Variants in SCFD2 observed in about 807,000 individuals in gnomAD.
The protein encoded by SCFD2 is sec1 family domain-containing protein 2.
SCFD2 carries 54 observed loss-of-function variants against 58.9 expected under a neutral mutation model. That is an observed-to-expected ratio of 0.92 (90% CI 0.74 to 1.15). The LOEUF (loss-of-function observed/expected upper bound fraction) is 1.15, where lower values mean the gene tolerates loss of function less well. SCFD2 is among the 50% of genes most tolerant of loss of function. The probability of loss-of-function intolerance (pLI) is 0.00; values close to 1 mark genes in which losing one functional copy is unlikely to be tolerated. For synonymous variants in SCFD2, 321 were observed against 335.9 expected, an observed-to-expected ratio of 0.96 and a Z score of 0.49; for missense variants, 805 against 836.6, an observed-to-expected ratio of 0.96 and a Z score of 0.47.
At chr4:53,327,352 G>T (rs764809868) in intron 2 of SCFD2, among the ~76,000 whole-genome samples, 4 of 152,218 alleles carry the variant, frequency 2.6e-5, no homozygotes, top group Non-Finnish European at 5.9e-5. Flanking sequence ...AATGGAATGA[G>T]AAGGGTGTCT....
intron 6 of SCFD2, among the ~76,000 whole-genome samples, chr4:52,912,180 G>T (rs868039355): frequency 6.6e-6 from 1 of 151,930 alleles, no homozygotes. Flanking sequence ...AACAGGTACA[G>T]ATATTAACAG....
intron 6 of SCFD2, among the ~76,000 whole-genome samples, chr4:52,911,906 A>G (rs1719495712): frequency 6.6e-6 from 1 of 152,210 alleles, no homozygotes; most frequent in Non-Finnish European, 1.5e-5. Context: ...ACCAGAAGGC[A>G]GGAAGAACAG....
intron 7 of SCFD2, among the ~76,000 whole-genome samples, chr4:52,887,724 G>C (rs558481047): frequency 6.6e-6 from 1 of 152,258 alleles, no homozygotes; most frequent in African/African-American, 2.4e-5. Context: ...AATGAAGGTA[G>C]TAAGTGTTCT....
At chr4:53,227,005 G>T (rs542890249) in intron 4 of SCFD2, among the ~76,000 whole-genome samples, 18 of 152,274 alleles carry the variant, frequency 1.2e-4, no homozygotes, top group African/African-American at 3.8e-4. Context: ...TGCTGTTGAG[G>T]ATGTCCTGGA....
intron 2 of SCFD2, among the ~76,000 whole-genome samples, chr4:53,338,676 G>A (rs1733761053): frequency 7.7e-6 from 1 of 130,178 alleles, no homozygotes; most frequent in South Asian, 2.5e-4. Context: ...CGCCTCCCGG[G>A]TTCACGCCAT....
intron 4 of SCFD2, among the ~76,000 whole-genome samples, chr4:53,183,438 G>A (rs1320180041): frequency 2.0e-5 from 3 of 152,048 alleles, no homozygotes; most frequent in Non-Finnish European, 4.4e-5. Flanking sequence ...TCACTCATAG[G>A]TGGGAACTGA....
chr4:53,231,270 C>T (rs1451459912), intron 4 of SCFD2, among the ~76,000 whole-genome samples: 2 of 152,098 alleles, frequency 1.3e-5, no homozygotes, highest in East Asian at 1.9e-4. Flanking sequence ...ATTTAACTTG[C>T]TCGTCCCTAC....
intron 4 of SCFD2, among the ~76,000 whole-genome samples, chr4:53,217,006 A>G (rs1284287030): frequency 6.6e-6 from 1 of 152,174 alleles, no homozygotes; most frequent in Non-Finnish European, 1.5e-5. Context: ...CTGTGGTCTG[A>G]GAGACAGTTT....
chr4:52,962,940 T>C (rs1720885106), intron 5 of SCFD2, among the ~76,000 whole-genome samples: 1 of 152,202 alleles, frequency 6.6e-6, no homozygotes, highest in Non-Finnish European at 1.5e-5. Flanking sequence ...AGTTTTTAGC[T>C]TGGATGAGAT....
Position 53,245,843 on chromosome 4 carries a change from C to A in SCFD2, c.1311+27983G>T, listed in dbSNP as rs144189415. On this transcript the variant is annotated intron_variant, in intron 4 of 8. Coordinates refer to ENST00000401642, the MANE Select transcript of SCFD2 (RefSeq NM_152540.4). The stretch of plus-strand genomic sequence containing the variant: ...CCTATTCAACATAGTATTGGAAGTC[C>A]TGGTCAGAGCAATTAGGCAAGAGAA... Among the ~76,000 whole-genome samples the A allele has an allele frequency of 2.6e-5, 4 of 152,164 alleles. No individual in the cohort carries two copies. In the East Asian group the frequency reaches 7.7e-4, roughly 29 times the overall value.
At chr4:52,938,076 C>G (rs1472929881) in intron 5 of SCFD2, among the ~76,000 whole-genome samples, 1 of 152,166 alleles carries the variant, frequency 6.6e-6, no homozygotes. Context: ...AAACTTCTGC[C>G]TGCATCACAC....
chr4:53,032,102 T>G (rs531838983), intron 5 of SCFD2, among the ~76,000 whole-genome samples: 7 of 152,210 alleles, frequency 4.6e-5, no homozygotes, highest in African/African-American at 1.7e-4. Context: ...TGGCAGAAAC[T>G]CTACAAGCCA....
chr4:53,174,952 T>A (rs1727284681), intron 4 of SCFD2, among the ~76,000 whole-genome samples: 1 of 103,264 alleles, frequency 9.7e-6, no homozygotes, highest in Non-Finnish European at 2.3e-5. Context: ...CTGTTTTGCA[T>A]GTTTGTGACG....
At chr4:53,061,315 G>A (rs912249271) in intron 5 of SCFD2, among the ~76,000 whole-genome samples, 5 of 152,012 alleles carry the variant, frequency 3.3e-5, no homozygotes, top group Admixed American at 2.6e-4. Flanking sequence ...CTCTTCTCAC[G>A]GAGTCCTCAC....
chr4:53,083,474 A>C (rs1301611683), intron 5 of SCFD2, among the ~76,000 whole-genome samples: 3 of 152,224 alleles, frequency 2.0e-5, no homozygotes, highest in Non-Finnish European at 2.9e-5. Context: ...CCCTGATACC[A>C]AAACCAGACA....
chr4:53,293,565 C>T (rs924598302), intron 3 of SCFD2, among the ~76,000 whole-genome samples: 2 of 152,074 alleles, frequency 1.3e-5, no homozygotes, highest in African/African-American at 4.8e-5. Flanking sequence ...AAAGCATTTG[C>T]TAAAGTTCAA....
chr4:53,184,601 G>T (rs979814489), intron 4 of SCFD2, among the ~76,000 whole-genome samples: 9 of 152,020 alleles, frequency 5.9e-5, no homozygotes, highest in African/African-American at 2.2e-4. Flanking sequence ...TATTAGAAAA[G>T]CATAAGATAT....
chr4:53,210,346 A>C (rs1728569680), intron 4 of SCFD2, among the ~76,000 whole-genome samples: 1 of 152,118 alleles, frequency 6.6e-6, no homozygotes, highest in South Asian at 2.1e-4. Flanking sequence ...GTGGTCAGGA[A>C]AGTCCTGAGG....
chr4:53,102,034 C>CCA (rs1724845582), intron 5 of SCFD2, among the ~76,000 whole-genome samples: 1 of 152,100 alleles, frequency 6.6e-6, no homozygotes, highest in South Asian at 2.1e-4. Context: ...ATAAGTAAAA[C>CCA]GGTGTGGTCC....
Sources: allele counts gnomAD v4.1 joint callset (sites outside exome capture counted in the v4.1 genomes callset), GRCh38; gene constraint gnomAD v4.1.1; transcripts MANE v1.5; gene names NCBI Gene and HGNC (gene_info 2026-07-23, HGNC 2026-07-21).